DUSP14: variants seen among roughly 807,000 people sequenced by gnomAD.
DUSP14 encodes dual specificity protein phosphatase 14.
A neutral mutation model predicts 13.2 loss-of-function variants in DUSP14; 5 were observed. The observed-to-expected ratio is 0.38, with a 90% CI of 0.20 to 0.80. The LOEUF is 0.80. Among genes scored for constraint, DUSP14 ranks in the 30% least tolerant of loss-of-function variants. The probability of loss-of-function intolerance (pLI) is 0.44; values close to 1 mark genes in which losing one functional copy is unlikely to be tolerated. For missense variants in DUSP14, 185 were observed against 264.0 expected, an observed-to-expected ratio of 0.70 and a Z score of 2.07; for synonymous variants, 91 against 103.4, an observed-to-expected ratio of 0.88 and a Z score of 0.73.
chr17:37,512,819 G>T lies in DUSP14; in HGVS notation c.547G>T (p.Asp183Tyr), dbSNP rs2054200134. Residue 183 changes from aspartate to tyrosine, a missense_variant, in exon 3 of 3, where the codon GAC (aspartate) becomes TAC (tyrosine). By Grantham distance (160) the Asp-to-Tyr change is radical. Coordinates refer to ENST00000617516, the MANE Select transcript of DUSP14 (RefSeq NM_007026.4). This position sits in a 1 kb window ranked among gnomAD's most constrained non-coding sequence, Gnocchi z 4.8. ...ACAGACACCTTATGGCATAGTTCCC[G>T]ACGTCTATGAGAAGGAGTCCCGACA... Reference protein sequence around the residue: ...MVQTPYGIVPDVYEKESRHLM... With the variant: ...MVQTPYGIVPYVYEKESRHLM... 1 of 1,611,958 alleles carries T rather than the reference G, an allele frequency of 6.2e-7. No individual in the cohort carries two copies. The highest frequency in any genetic ancestry group is 8.5e-7 in the Non-Finnish European group (1 of 1,178,702).
At position 37,489,906 on chromosome 17, in the gene DUSP14, C is replaced by T. The variant is rs1353587213; in HGVS notation, c.-233C>T. 1.4e-5 allele frequency: 2 copies of T among 144,110 alleles called. No individual in the cohort carries two copies. Among genetic ancestry groups the T allele is most frequent in the African/African-American group, 5.1e-5 (2 of 39,352 alleles). 8.9% of individuals were successfully genotyped at this position (144,110 alleles called of 1,614,324 possible). ...CGCCCAGCCCGCAGAAGCCGGTGGC[C>T]GCGCAGGAGGACGGAGCCCTAACCG... On this transcript the variant is annotated 5_prime_UTR_variant, in exon 1 of 3. Coordinates refer to ENST00000617516, the MANE Select transcript of DUSP14 (RefSeq NM_007026.4).
intron 1 of DUSP14, among the ~76,000 whole-genome samples, chr17:37,501,731 G>A (rs2143085234): frequency 6.6e-6 from 1 of 152,238 alleles, no homozygotes; most frequent in South Asian, 2.1e-4. Flanking sequence ...TGGCCAGGCT[G>A]GTCATGAACT....
intron 1 of DUSP14, among the ~76,000 whole-genome samples, chr17:37,498,314 CTTTTTTTTTTTTTTTTT>C (rs765033929): frequency 1.4e-5 from 1 of 70,558 alleles, no homozygotes; most frequent in African/African-American, 5.9e-5. Flanking sequence ...TAGATTGTAT[CTTTTTTTTTTTTTTTTT>C]TTTTTTTTTT....
At chr17:37,497,933 C>T (rs34711199) in intron 1 of DUSP14, among the ~76,000 whole-genome samples, 34,278 of 151,592 alleles carry the variant, frequency 0.23, 4,282 homozygotes, top group East Asian at 0.55. Context: ...GTAGCCCCAG[C>T]TACTCAGGAG....
intron 1 of DUSP14, among the ~76,000 whole-genome samples, chr17:37,508,461 C>T (rs2054152017): frequency 6.6e-6 from 1 of 152,104 alleles, no homozygotes; most frequent in South Asian, 2.1e-4. Context: ...GAGCCAGGCA[C>T]AGTGGCTCAT....
chr17:37,512,671 C>T lies in DUSP14; in HGVS notation c.399C>T (p.Cys133=). ...ACCTGATGAAATTCCACAACGTGTG[C>T]CTGCTGGAGGCGTACAACTGGGTGA... ...IAYLMKFHNV[C]LLEAYNWVKA... Residue 133 remains cysteine (C), a synonymous_variant, in exon 3 of 3, where the codon TGC becomes TGT. Coordinates refer to ENST00000617516, the MANE Select transcript of DUSP14 (RefSeq NM_007026.4). This position sits in a 1 kb window ranked among gnomAD's most constrained non-coding sequence, Gnocchi z 4.8. 2 of 1,613,886 alleles carry T rather than the reference C, an allele frequency of 1.2e-6. No homozygotes were observed. The highest frequency in any genetic ancestry group is 1.7e-6 in the Non-Finnish European group (2 of 1,179,872).
Position 37,512,910 on chromosome 17 carries a change from A to ATCTGCTCCCCGCCG in DUSP14, c.*51_*64dup, listed in dbSNP as rs555294241. On this transcript the variant is annotated 3_prime_UTR_variant, in exon 3 of 3. Transcript: ENST00000617516. This position sits in a 1 kb window ranked among gnomAD's most constrained non-coding sequence, Gnocchi z 4.8. ...CGTCAGCAGCCCGAGCGGGGCCGGC[A>ATCTGCTCCCCGCCG]TCTGCTCCCCGCCGTCTGCTCCCTC... 2.0e-6 allele frequency: 3 copies of ATCTGCTCCCCGCCG among 1,524,850 alleles called. No homozygotes were observed. In the African/African-American group the frequency reaches 4.1e-5, roughly 21 times the overall value. 94.5% of individuals were successfully genotyped at this position (1,524,850 alleles called of 1,614,324 possible).
chr17:37,511,959 A>G (rs1159148259), intron 2 of DUSP14, among the ~76,000 whole-genome samples: 1 of 23,972 alleles, frequency 4.2e-5, no homozygotes, highest in East Asian at 5.4e-3. Context: ...TTTTTTTTGG[A>G]CAATCACCAG....
chr17:37,504,430 C>T (rs866670279), intron 1 of DUSP14, among the ~76,000 whole-genome samples: 1 of 152,148 alleles, frequency 6.6e-6, no homozygotes, highest in Admixed American at 6.6e-5. Flanking sequence ...TCATCGTGTA[C>T]ATATCCTCAT....
chr17:37,503,413 G>A (rs2054117672), intron 1 of DUSP14, among the ~76,000 whole-genome samples: 2 of 152,084 alleles, frequency 1.3e-5, no homozygotes, highest in Admixed American at 6.6e-5. Flanking sequence ...GCTACAGAGG[G>A]AGACCCTGTG....
intron 1 of DUSP14, among the ~76,000 whole-genome samples, chr17:37,504,914 CAG>C (rs1194813843): frequency 1.3e-5 from 2 of 152,090 alleles, no homozygotes; most frequent in East Asian, 1.9e-4. Flanking sequence ...TATTTTGCGA[CAG>C]AGTCTTGCTC....
intron 1 of DUSP14, among the ~76,000 whole-genome samples, chr17:37,506,615 C>T (rs1330877490): frequency 2.6e-5 from 4 of 152,166 alleles, no homozygotes; most frequent in Admixed American, 1.3e-4. Flanking sequence ...CTTTCCCTGT[C>T]TCCCAGGACA....
intron 1 of DUSP14, among the ~76,000 whole-genome samples, chr17:37,509,646 A>G (rs2054169961): frequency 6.6e-6 from 1 of 152,228 alleles, no homozygotes; most frequent in African/African-American, 2.4e-5. Flanking sequence ...TGCTATAAAT[A>G]TATAAAAGTC....
intron 2 of DUSP14, among the ~76,000 whole-genome samples, chr17:37,511,937 A>AGTTTGTTTTTTTTTTTTT (rs1329764853): frequency 6.1e-5 from 1 of 16,442 alleles, no homozygotes; most frequent in Non-Finnish European, 1.2e-4. Flanking sequence ...CCCCCACCCC[A>AGTTTGTTTTTTTTTTTTT]CTTTTTTTTT....
intron 2 of DUSP14, among the ~76,000 whole-genome samples, chr17:37,511,361 AC>A (rs2054183691): frequency 6.6e-6 from 1 of 151,894 alleles, no homozygotes; most frequent in Admixed American, 6.6e-5. Context: ...GCTAGTTGCA[AC>A]CTCCGCCTCC....
intron 1 of DUSP14, among the ~76,000 whole-genome samples, chr17:37,506,889 G>C (rs895564400): frequency 2.6e-5 from 4 of 152,176 alleles, no homozygotes; most frequent in African/African-American, 9.7e-5. Context: ...TCTGGGCTTA[G>C]CCTTTCTGTA....
intron 1 of DUSP14, among the ~76,000 whole-genome samples, chr17:37,498,705 T>TA (rs982800781): frequency 5.0e-4 from 76 of 151,378 alleles, no homozygotes; most frequent in African/African-American, 1.7e-3. Context: ...AAATTACACT[T>TA]ACGGAGTTTC....
chr17:37,490,278 G>C (rs1350836195), intron 1 of DUSP14, among the ~76,000 whole-genome samples: 1 of 151,854 alleles, frequency 6.6e-6, no homozygotes, highest in East Asian at 1.9e-4. Flanking sequence ...CAGCAGCCTC[G>C]GCCGCGCCTC....
chr17:37,504,783 G>A (rs1395157506), intron 1 of DUSP14, among the ~76,000 whole-genome samples: 2 of 152,082 alleles, frequency 1.3e-5, no homozygotes, highest in East Asian at 1.9e-4. Context: ...GTCTCATTAC[G>A]TTGCCCCGGC....
Sources: gnomAD v4.1 joint callset for allele counts (sites outside exome capture counted in the v4.1 genomes callset) on GRCh38, gnomAD v4.1.1 for gene constraint, Gnocchi (gnomAD v3.1) non-coding constraint, MANE v1.5 for transcripts, NCBI Gene and HGNC (gene_info 2026-07-23, HGNC 2026-07-21) for gene names.